Variants in ZMYM1 observed in about 807,000 individuals in gnomAD.
ZMYM1 encodes the protein zinc finger MYM-type containing 1.
Under a neutral mutation model 60.0 loss-of-function variants are expected in ZMYM1, and 39 were observed. That is an observed-to-expected ratio of 0.65 (90% CI 0.50 to 0.85). ZMYM1 has a LOEUF of 0.85. Among genes scored for constraint, ZMYM1 ranks in the 40% least tolerant of loss-of-function variants. ZMYM1 has a pLI of 0.00. For missense variants in ZMYM1, 1,171 were observed against 1,309.5 expected (o/e 0.89, Z 1.63); for synonymous variants, 413 against 454.0 (o/e 0.91, Z 1.15).
At chr1:35,089,443 C>T (rs906411021) in intron 1 of ZMYM1, among the ~76,000 whole-genome samples, 2 of 152,064 alleles carry the variant, frequency 1.3e-5, no homozygotes, top group African/African-American at 4.8e-5. Flanking sequence ...ACTCTCAGGC[C>T]TTATTTAACT....
intron 6 of ZMYM1, among the ~76,000 whole-genome samples, chr1:35,105,284 G>A (rs927038490): frequency 4.0e-5 from 6 of 151,370 alleles, no homozygotes; most frequent in South Asian, 2.1e-4. Flanking sequence ...ACAAGCACCC[G>A]CCACCACCAC....
rs763479209 is a variant in ZMYM1 at position 35,113,542 on chromosome 1, T to C, written c.1712T>C (p.Leu571Ser). ...TTTCTTGGAAAGCAGTGTTTACCCTTAAGAGGAAACGACCAGTCAGTTTCA... is the reference window on the plus strand; with the variant it reads ...TTTCTTGGAAAGCAGTGTTTACCCTCAAGAGGAAACGACCAGTCAGTTTCA... Reference protein sequence around the residue: ...ILFLGKQCLPLRGNDQSVSSV... With the variant: ...ILFLGKQCLPSRGNDQSVSSV... Residue 571 changes from leucine (L) to serine (S), a missense_variant, in exon 10 of 10, where the codon TTA becomes TCA. Coordinates refer to ENST00000359858, the MANE Select transcript of ZMYM1 (RefSeq NM_024772.5). 6 of 1,613,190 alleles carry C rather than the reference T, an allele frequency of 3.7e-6. No homozygotes were observed. The highest frequency in any genetic ancestry group is 5.1e-6 in the Non-Finnish European group (6 of 1,179,778).
At position 35,088,450 on chromosome 1, in the gene ZMYM1, ATATATGTG is replaced by A. The variant is rs1449318022; in HGVS notation, c.-74-5462_-74-5455del. ...TGTTTATGTGTATATATATATATAT[ATATATGTG>A]TGTGTGTGTGTGTGTGTGTGTGTGT... On this transcript the variant is annotated intron_variant, in intron 1 of 9. Transcript: ENST00000359858. Among the ~76,000 whole-genome samples the A allele has an allele frequency of 3.7e-3, 383 of 103,976 alleles. 1 individual carries two copies. Among genetic ancestry groups the A allele is most frequent in the African/African-American group, 0.015 (338 of 22,656 alleles). 68.2% of individuals were successfully genotyped at this position (103,976 alleles called of 152,430 possible). A position where few individuals can be genotyped will look rare whatever the true frequency, so the allele number is the denominator to read the frequency against.
intron 4 of ZMYM1, among the ~76,000 whole-genome samples, chr1:35,101,946 G>A (rs1255258382): frequency 6.6e-6 from 1 of 152,084 alleles, no homozygotes; most frequent in African/African-American, 2.4e-5. Context: ...CTTTAGTTAT[G>A]TAGATTATGA....
intron 9 of ZMYM1, among the ~76,000 whole-genome samples, chr1:35,112,583 T>TATATC (rs67297918): frequency 3.7e-4 from 1 of 2,716 alleles, no homozygotes; most frequent in African/African-American, 1.1e-3. Flanking sequence ...TATATTATAA[T>TATATC]GTATATTTAT....
intron 3 of ZMYM1, 110 bp from the exon 4 acceptor site, chr1:35,097,207 G>A (rs1213022205): frequency 7.9e-7 from 1 of 1,262,206 alleles, no homozygotes; most frequent in African/African-American, 1.5e-5. Context: ...GCAAAAGAGG[G>A]CAACAGAACA....
At chr1:35,080,774 C>A (rs1274501306) in intron 1 of ZMYM1, among the ~76,000 whole-genome samples, 1 of 151,992 alleles carries the variant, frequency 6.6e-6, no homozygotes, top group African/African-American at 2.4e-5. Context: ...CTGGTTGGGA[C>A]ATCCTACTCA....
chr1:35,064,686 C>CTTTTTT (rs34080777), intron 1 of ZMYM1, among the ~76,000 whole-genome samples: 1 of 113,004 alleles, frequency 8.8e-6, no homozygotes, highest in African/African-American at 4.0e-5. Context: ...CAATATATTT[C>CTTTTTT]TTTTTTTTTT....
intron 1 of ZMYM1, among the ~76,000 whole-genome samples, chr1:35,085,899 A>G (rs1488387724): frequency 6.6e-6 from 1 of 152,210 alleles, no homozygotes; most frequent in African/African-American, 2.4e-5. Flanking sequence ...CTGTGTCTAA[A>G]TATTTAAAAG....
At chr1:35,108,426 A>G (rs1343072698) in intron 6 of ZMYM1, among the ~76,000 whole-genome samples, 2 of 152,142 alleles carry the variant, frequency 1.3e-5, no homozygotes, top group Admixed American at 6.5e-5. Flanking sequence ...ATCTCAGCTC[A>G]CTGCAACCTC....
chr1:35,096,690 C>A (rs1247800936), intron 3 of ZMYM1, among the ~76,000 whole-genome samples: 1 of 152,106 alleles, frequency 6.6e-6, no homozygotes, highest in Non-Finnish European at 1.5e-5. Context: ...CGTGCCACCA[C>A]ACCCAGATAA....
At chr1:35,116,835 ATTTTTTTTTT>A (rs10671957), downstream of ZMYM1, among the ~76,000 whole-genome samples, 2 of 88,936 alleles carry the variant, frequency 2.2e-5, no homozygotes, top group Admixed American at 1.9e-4. Context: ...TAGGCCTGGA[ATTTTTTTTTT>A]TTTTTTTTTT....
chr1:35,064,682 AT>A (rs1301196445), intron 1 of ZMYM1, among the ~76,000 whole-genome samples: 1 of 143,194 alleles, frequency 7.0e-6, no homozygotes, highest in African/African-American at 2.7e-5. Context: ...TAAACAATAT[AT>A]TTCTTTTTTT....
At chr1:35,105,726 G>A (rs1030007955) in intron 6 of ZMYM1, among the ~76,000 whole-genome samples, 6 of 151,452 alleles carry the variant, frequency 4.0e-5, no homozygotes, top group Admixed American at 6.6e-5. Flanking sequence ...CCACCTCAGC[G>A]TCCCGAGTAG....
At chr1:35,087,677 G>C (rs6666227) in intron 1 of ZMYM1, among the ~76,000 whole-genome samples, 2,263 of 151,910 alleles carry the variant, frequency 0.015, 52 homozygotes, top group African/African-American at 0.05. Context: ...ATCAGCCCGC[G>C]TTGGCCTCCC....
intron 1 of ZMYM1, among the ~76,000 whole-genome samples, chr1:35,068,647 A>T (rs964495257): frequency 2.1e-4 from 31 of 149,398 alleles, no homozygotes; most frequent in African/African-American, 6.1e-4. Context: ...CGCAAAAAAA[A>T]AAATATATAT....
At chr1:35,096,325 AGAG>A (rs1643319211) in intron 3 of ZMYM1, among the ~76,000 whole-genome samples, 1 of 146,342 alleles carries the variant, frequency 6.8e-6, no homozygotes, top group Non-Finnish European at 1.5e-5. Flanking sequence ...AAAAAAAAAA[AGAG>A]AAGAAAATCA....
exon 1 of ZMYM1, chr1:35,059,858 C>T (rs1641839743): frequency 6.6e-6 from 1 of 152,108 alleles, no homozygotes; most frequent in African/African-American, 2.4e-5. Flanking sequence ...CCTTGCAGCT[C>T]CTTCCACAGT....
At chr1:35,071,204 A>T (rs1339280421) in intron 1 of ZMYM1, among the ~76,000 whole-genome samples, 1 of 151,756 alleles carries the variant, frequency 6.6e-6, no homozygotes, top group Non-Finnish European at 1.5e-5. Context: ...TGTTAATGTG[A>T]TATATCATAT....
Sources: gnomAD v4.1 joint callset for allele counts (sites outside exome capture counted in the v4.1 genomes callset) on GRCh38, gnomAD v4.1.1 for gene constraint, MANE v1.5 for transcripts, NCBI Gene and HGNC (gene_info 2026-07-23, HGNC 2026-07-21) for gene names.